KIAA1549L: variants seen among roughly 807,000 people sequenced by gnomAD.
KIAA1549L encodes the protein UPF0606 protein KIAA1549L.
Under a neutral mutation model 160.7 loss-of-function variants are expected in KIAA1549L, and 88 were observed. The ratio of observed to expected loss-of-function variants is 0.55; its 90% CI spans 0.46 to 0.65. KIAA1549L has a LOEUF of 0.65. KIAA1549L is among the 30% of genes least tolerant of loss of function. The probability of loss-of-function intolerance (pLI) is 0.00; values close to 1 mark genes in which losing one functional copy is unlikely to be tolerated. For missense variants in KIAA1549L, 2,258 were observed against 2,437.5 expected (o/e 0.93, Z 1.55); for synonymous variants, 950 against 976.7 (o/e 0.97, Z 0.51).
chr11:33,538,498 A>T (rs1853943122), intron 1 of KIAA1549L, among the ~76,000 whole-genome samples: 1 of 152,166 alleles, frequency 6.6e-6, no homozygotes, highest in South Asian at 2.1e-4. Flanking sequence ...TTAAGATGTG[A>T]CACTCAGAAA....
At chr11:33,533,271 C>T (rs1192786288) in intron 1 of KIAA1549L, among the ~76,000 whole-genome samples, 2 of 152,110 alleles carry the variant, frequency 1.3e-5, no homozygotes, top group African/African-American at 2.4e-5. Context: ...ACTAGCAGCG[C>T]GAAGAGCCTC....
At chr11:33,482,289 T>G (rs1382239475) in intron 1 of KIAA1549L, among the ~76,000 whole-genome samples, 3 of 151,958 alleles carry the variant, frequency 2.0e-5, no homozygotes, top group Non-Finnish European at 4.4e-5. Flanking sequence ...CTTCTATTTT[T>G]TTCTTCACAA....
At chr11:33,622,556 C>T (rs1850987829) in intron 16 of KIAA1549L, among the ~76,000 whole-genome samples, 1 of 152,204 alleles carries the variant, frequency 6.6e-6, no homozygotes, top group Non-Finnish European at 1.5e-5. Context: ...GAAAGATGGG[C>T]CTGCCCCATT....
intron 20 of KIAA1549L, among the ~76,000 whole-genome samples, chr11:33,663,799 G>A (rs1000722798): frequency 2.0e-5 from 3 of 152,264 alleles, no homozygotes; most frequent in Middle Eastern, 3.4e-3. Flanking sequence ...AGCAAGTGAG[G>A]CACTCTCCAC....
At chr11:33,651,943 G>A (rs1317628148) in intron 17 of KIAA1549L, among the ~76,000 whole-genome samples, 1 of 115,306 alleles carries the variant, frequency 8.7e-6, no homozygotes, top group Non-Finnish European at 1.8e-5. Context: ...TCCTTCCTTC[G>A]TTCCCTCCTT....
At chr11:33,392,567 T>C (rs975057840) in intron 1 of KIAA1549L, among the ~76,000 whole-genome samples, 3 of 152,342 alleles carry the variant, frequency 2.0e-5, no homozygotes, top group Admixed American at 6.5e-5. Context: ...TGTCAAGATA[T>C]AGCATGTGAC....
intron 1 of KIAA1549L, among the ~76,000 whole-genome samples, chr11:33,431,964 G>A (rs2615896): frequency 0.64 from 96,974 of 152,142 alleles, 31,571 homozygotes; most frequent in African/African-American, 0.75. Flanking sequence ...GACCCAGTAC[G>A]CCCTCCGTAG....
At chr11:33,405,043 GAAA>G (rs1283888777) in intron 1 of KIAA1549L, among the ~76,000 whole-genome samples, 1 of 148,656 alleles carries the variant, frequency 6.7e-6, no homozygotes, top group African/African-American at 2.5e-5. Context: ...CAAAAGATAA[GAAA>G]AAAAGTCAGA....
intron 1 of KIAA1549L, among the ~76,000 whole-genome samples, chr11:33,508,421 C>A (rs1853144245): frequency 6.6e-6 from 1 of 152,132 alleles, no homozygotes; most frequent in Non-Finnish European, 1.5e-5. Context: ...GGAGGAGAGG[C>A]AACTAGAGGA....
chr11:33,460,284 A>G (rs1327095311), intron 1 of KIAA1549L, among the ~76,000 whole-genome samples: 1 of 152,074 alleles, frequency 6.6e-6, no homozygotes, highest in Non-Finnish European at 1.5e-5. Flanking sequence ...AGGGGGGAGC[A>G]TGAGATTGAG....
At chr11:33,621,675 G>A (rs1850961303) in intron 16 of KIAA1549L, among the ~76,000 whole-genome samples, 1 of 151,886 alleles carries the variant, frequency 6.6e-6, no homozygotes, top group Admixed American at 6.5e-5. Flanking sequence ...AAAAAAAAAT[G>A]CTGTAAATAT....
intron 1 of KIAA1549L, among the ~76,000 whole-genome samples, chr11:33,456,153 C>G (rs1851816173): frequency 6.6e-6 from 1 of 152,078 alleles, no homozygotes; most frequent in African/African-American, 2.4e-5. Flanking sequence ...AAACTAAAGC[C>G]AGTTTAATGG....
At chr11:33,603,336 A>G (rs1441717299) in intron 13 of KIAA1549L, among the ~76,000 whole-genome samples, 1 of 152,010 alleles carries the variant, frequency 6.6e-6, no homozygotes, top group African/African-American at 2.4e-5. Context: ...TGTGAAGAAA[A>G]TAGAACAGGG....
In KIAA1549L at chr11:33,662,675, C is replaced by T. The variant is rs531064196; in HGVS notation, c.6159+1661C>T. On this transcript the variant is annotated intron_variant, in intron 20 of 20. Coordinates refer to ENST00000658780, the MANE Select transcript of KIAA1549L (RefSeq NM_012194.3). Reference sequence around the variant, plus strand: ...CCTTACGCCTGCAGCTTTGACACTTCACCTGTTGTGTGGAGTGTAACCCTG... The same window carrying T: ...CCTTACGCCTGCAGCTTTGACACTTTACCTGTTGTGTGGAGTGTAACCCTG... 2.6e-5 allele frequency among the ~76,000 whole-genome samples: 4 copies of T among 152,334 alleles called. No homozygotes were observed. In the South Asian group the frequency reaches 8.3e-4, roughly 32 times the overall value.
intron 20 of KIAA1549L, among the ~76,000 whole-genome samples, chr11:33,664,530 C>G (rs1234316446): frequency 2.6e-5 from 4 of 152,318 alleles, no homozygotes; most frequent in Middle Eastern, 3.4e-3. Flanking sequence ...ATCCTAACCC[C>G]CAAGGTGATG....
intron 15 of KIAA1549L, among the ~76,000 whole-genome samples, chr11:33,611,034 G>A (rs1398587869): frequency 6.6e-6 from 1 of 152,176 alleles, no homozygotes; most frequent in Non-Finnish European, 1.5e-5. Flanking sequence ...TTCAACATGA[G>A]GTTTGGAGGG....
chr11:33,544,404 C>A, intron 2 of KIAA1549L, 68 bp downstream of exon 2: 1 of 1,499,774 alleles, frequency 6.7e-7, no homozygotes, highest in Non-Finnish European at 9.1e-7. Flanking sequence ...CTTTTGTGGT[C>A]AAAGCATCTT....
At chr11:33,569,409 C>A (rs1461294897) in intron 9 of KIAA1549L, among the ~76,000 whole-genome samples, 2 of 152,198 alleles carry the variant, frequency 1.3e-5, no homozygotes, top group Non-Finnish European at 2.9e-5. Context: ...TGGAATTGAG[C>A]AGACTACCCC....
intron 1 of KIAA1549L, among the ~76,000 whole-genome samples, chr11:33,393,104 T>C (rs1850302697): frequency 6.6e-6 from 1 of 151,974 alleles, no homozygotes; most frequent in Non-Finnish European, 1.5e-5. Context: ...ACTTCATTGC[T>C]TAGCAATCTG....
Sources: gnomAD v4.1 joint callset for allele counts (sites outside exome capture counted in the v4.1 genomes callset) on GRCh38, gnomAD v4.1.1 for gene constraint, MANE v1.5 for transcripts, NCBI Gene and HGNC (gene_info 2026-07-23, HGNC 2026-07-21) for gene names.